The following CACNA1I variants were observed in gnomAD, a reference collection of about 807,000 sequenced individuals.
CACNA1I encodes voltage-dependent T-type calcium channel subunit alpha-1I.
In CACNA1I, 74 loss-of-function variants were observed where a neutral mutation model predicts 201.6. That is an observed-to-expected ratio of 0.37 (90% CI 0.30 to 0.45). The LOEUF is 0.45. CACNA1I is among the 20% of genes least tolerant of loss of function. CACNA1I has a pLI of 1.00. For synonymous variants in CACNA1I, 1,431 were observed against 1,345.2 expected (o/e 1.06, Z -1.40); for missense variants, 2,346 against 3,138.1 (o/e 0.75, Z 6.03).
At chr22:39,619,990 C>T (rs1211955198) in intron 4 of CACNA1I, among the ~76,000 whole-genome samples, 2 of 140,630 alleles carry the variant, frequency 1.4e-5, no homozygotes, top group African/African-American at 5.4e-5. Flanking sequence ...CATCCATCTA[C>T]CTGTCCACCC....
Position 39,670,890 on chromosome 22 carries a change from TCA to T in CACNA1I, c.4476_4477del (p.Ile1493HisfsTer185). On this transcript the variant is annotated frameshift_variant, in exon 26 of 37. Coordinates refer to ENST00000402142, the MANE Select transcript of CACNA1I (RefSeq NM_021096.4). LOFTEE classifies it high-confidence loss of function. ...TGCACCAGCCACTACCTGGACATCT[TCA>T]TCACCTTCATCATCTGCCTCAACGT... The T allele has an allele frequency of 1.2e-6, 2 of 1,613,888 alleles. No homozygotes were observed. Among genetic ancestry groups the T allele is most frequent in the Non-Finnish European group, 1.7e-6 (2 of 1,179,852 alleles).
At chr22:39,646,340 C>T (rs905121671) in intron 7 of CACNA1I, among the ~76,000 whole-genome samples, 7 of 152,050 alleles carry the variant, frequency 4.6e-5, no homozygotes, top group Admixed American at 1.3e-4. Context: ...CTCACTGTCT[C>T]TTTCTACCTG....
At chr22:39,661,025 T>G in intron 15 of CACNA1I, 83 bp from the exon 16 acceptor site, 1 of 1,110,112 alleles carries the variant, frequency 9.0e-7, no homozygotes, top group Non-Finnish European at 1.3e-6. Context: ...TCCTTCCTTG[T>G]TTGTCTGTCT....
intron 1 of CACNA1I, among the ~76,000 whole-genome samples, chr22:39,583,067 TCCATCCATCCATCCAACAATCCGTC>T (rs1932618104): frequency 6.8e-6 from 1 of 146,894 alleles, no homozygotes; most frequent in African/African-American, 2.5e-5. Flanking sequence ...CATCCATCCA[TCCATCCATCCATCCAACAATCCGTC>T]CATTCATCCA....
Position 39,684,886 on chromosome 22 carries a change from A to C in CACNA1I, c.6027+388A>C. 4.9e-6 allele frequency: 2 copies of C among 411,196 alleles called. No homozygotes were observed. 25.5% of individuals were successfully genotyped at this position (411,196 alleles called of 1,614,324 possible). A position where few individuals can be genotyped will look rare whatever the true frequency, so the allele number is the denominator to read the frequency against. On this transcript the variant is annotated intron_variant, in intron 36 of 36. Transcript: ENST00000402142. The surrounding 1 kb of genome is among the most constrained non-coding windows in gnomAD (Gnocchi z 4.6). ...GGTGGGTGTGAGTGGGGGCTTGATT[A>C]CTAGGAATGGAGGTGGGAGGGCGGG...
intron 1 of CACNA1I, among the ~76,000 whole-genome samples, chr22:39,596,474 TGGG>T (rs1303796690): frequency 1.4e-4 from 4 of 27,832 alleles, no homozygotes; most frequent in East Asian, 1.8e-3. Flanking sequence ...CGGAGAGAGA[TGGG>T]GGAGCAGGAT....
intron 3 of CACNA1I, among the ~76,000 whole-genome samples, chr22:39,613,108 C>T (rs1358654134): frequency 6.6e-6 from 1 of 152,248 alleles, no homozygotes; most frequent in East Asian, 1.9e-4. Flanking sequence ...AAATCATCTC[C>T]TGGGCGGGGT....
intron 10 of CACNA1I, among the ~76,000 whole-genome samples, chr22:39,655,567 G>A (rs528287488): frequency 1.2e-3 from 190 of 152,150 alleles, no homozygotes; most frequent in Non-Finnish European, 2.2e-3. Context: ...TCACTGCTTC[G>A]TTGTCCTGGT....
chr22:39,684,286 TCTC>T lies in CACNA1I; in HGVS notation c.5831-13_5831-11del, dbSNP rs1935788476. 1 of 1,612,062 alleles carries T rather than the reference TCTC, an allele frequency of 6.2e-7. No individual in the cohort carries two copies. The highest frequency in any genetic ancestry group is 1.1e-5 in the South Asian group (1 of 90,728). On this transcript the variant is annotated splice_polypyrimidine_tract_variant and intron_variant, in intron 35 of 36. Transcript: ENST00000402142. This position sits in a 1 kb window ranked among gnomAD's most constrained non-coding sequence, Gnocchi z 4.6. ...TGAGCGTGCTCCCTCAGCTCTGTCT[TCTC>T]CTTTCCCAGCAGCACCCCCAAGTCC...
At position 39,670,092 on chromosome 22, in the gene CACNA1I, A is replaced by T; in HGVS notation, c.4249A>T (p.Ile1417Phe). 1 of 1,613,576 alleles carries T rather than the reference A, an allele frequency of 6.2e-7. No homozygotes were observed. Among genetic ancestry groups the T allele is most frequent in the Non-Finnish European group, 8.5e-7 (1 of 1,179,884 alleles). The change falls in exon 25 of 37, where the codon ATC becomes TTC. Residue 1417 changes from isoleucine to phenylalanine, a missense_variant. Physicochemically the swap from Ile to Phe is conservative, Grantham distance 21. Transcript: ENST00000402142. ...MLLYFISFLLIVSFFVLNMFV... is the reference protein window; with the variant it reads ...MLLYFISFLLFVSFFVLNMFV... ...GCTGTACTTCATCTCCTTCCTGCTCATCGTCAGCTTCTTTGTGCTCAACAT... is the reference window on the plus strand; with the variant it reads ...GCTGTACTTCATCTCCTTCCTGCTCTTCGTCAGCTTCTTTGTGCTCAACAT...
In CACNA1I at chr22:39,657,762, C is replaced by T. The variant is rs3788575; in HGVS notation, c.1993-390C>T. Among the ~76,000 whole-genome samples the T allele has an allele frequency of 3.5e-3, 534 of 152,330 alleles. 17 individuals are homozygous for T. The East Asian group carries it at 0.084, about 24-fold the overall frequency. ...AAGTGCTCACTAAATGGGTTAGTGA[C>T]GTCTAGCGACGCCTGTCCTGCTTTC... On this transcript the variant is annotated intron_variant, in intron 10 of 36. Transcript: ENST00000402142.
intron 4 of CACNA1I, among the ~76,000 whole-genome samples, chr22:39,627,603 T>C (rs1933936176): frequency 6.6e-6 from 1 of 152,232 alleles, no homozygotes; most frequent in Non-Finnish European, 1.5e-5. Flanking sequence ...CAGGATTCCT[T>C]CTTGGAAGGG....
chr22:39,662,767 T>A lies in CACNA1I; in HGVS notation c.3373-9T>A. The A allele has an allele frequency of 6.4e-7, 1 of 1,563,940 alleles. No individual in the cohort carries two copies. The highest frequency in any genetic ancestry group is 8.7e-7 in the Non-Finnish European group (1 of 1,153,236). ...GCTGACCCCCGGCGCTCCGTCCTCC[T>A]CTTGCTAGACCCTGTGCTTCCGCGT... On this transcript the variant is annotated splice_polypyrimidine_tract_variant and intron_variant, in intron 17 of 36. Transcript: ENST00000402142.
chr22:39,686,489 C>T lies in CACNA1I; in HGVS notation c.*84C>T, dbSNP rs1935883697. On this transcript the variant is annotated 3_prime_UTR_variant, in exon 37 of 37. Coordinates refer to ENST00000402142, the MANE Select transcript of CACNA1I (RefSeq NM_021096.4). ...GAGCCAGGAGCAGACAGCAATACTT[C>T]GTCCACACCTGGGATCGCGCAGGGC... The T allele has an allele frequency of 7.8e-6, 8 of 1,020,764 alleles. No individual in the cohort carries two copies. In the Admixed American group the frequency reaches 1.3e-4, roughly 17 times the overall value. The allele number at this position is 1,020,764 out of a possible 1,614,324, so 63.2% of individuals were successfully genotyped here.
chr22:39,662,023 G>C lies in CACNA1I; in HGVS notation c.2960G>C (p.Arg987Pro). Residue 987 changes from arginine to proline, a missense_variant, in exon 17 of 37, where the codon CGT (arginine) becomes CCT (proline). By Grantham distance (103) the Arg-to-Pro change is moderately radical. Transcript: ENST00000402142. ...PWGRSAAWAS[R>P]RSSWNSLKHK... ...GGCCGCAGCGCGGCCTGGGCCAGCC[G>C]TCGCTCCAGCTGGAACAGCCTCAAG... 6.4e-7 allele frequency: 1 copy of C among 1,566,896 alleles called. No individual in the cohort carries two copies. Among genetic ancestry groups the C allele is most frequent in the Non-Finnish European group, 8.6e-7 (1 of 1,160,812 alleles).
chr22:39,658,090 G>A, intron 10 of CACNA1I, 62 bp from the exon 11 acceptor site: 2 of 1,575,578 alleles, frequency 1.3e-6, no homozygotes, highest in Admixed American at 1.7e-5. Context: ...GGTGTCCAGA[G>A]GGGATCCACA....
In CACNA1I at chr22:39,677,457, A is replaced by G; in HGVS notation, c.4933+38A>G. 3 of 1,367,390 alleles carry G rather than the reference A, an allele frequency of 2.2e-6. No individual in the cohort carries two copies. 84.7% of individuals were successfully genotyped at this position (1,367,390 alleles called of 1,614,324 possible). ...CAGAGCAGGCCCGTGGTGGGGGTGCAGCAGGGCTGCAGGAGGAACTGGGGG... is the reference window on the plus strand; with the variant it reads ...CAGAGCAGGCCCGTGGTGGGGGTGCGGCAGGGCTGCAGGAGGAACTGGGGG... On this transcript the variant is annotated intron_variant, in intron 30 of 36. Transcript: ENST00000402142. The surrounding 1 kb of genome is among the most constrained non-coding windows in gnomAD (Gnocchi z 4.8).
intron 18 of CACNA1I, 113 bp from the exon 19 acceptor site, chr22:39,663,605 G>A: frequency 3.2e-6 from 4 of 1,260,410 alleles, no homozygotes. Flanking sequence ...AGAGGATAGG[G>A]GTTGCTTCCT....
chr22:39,628,659 T>G (rs1444348392), intron 4 of CACNA1I, among the ~76,000 whole-genome samples: 1 of 152,076 alleles, frequency 6.6e-6, no homozygotes, highest in Non-Finnish European at 1.5e-5. Flanking sequence ...CCCGGCAAGC[T>G]GGCTGTCTGC....
Sources: allele counts gnomAD v4.1 joint callset (sites outside exome capture counted in the v4.1 genomes callset), GRCh38; gene constraint gnomAD v4.1.1; non-coding constraint Gnocchi (gnomAD v3.1); transcripts MANE v1.5; gene names NCBI Gene and HGNC (gene_info 2026-07-23, HGNC 2026-07-21).